Variants in SOX6 observed in about 807,000 individuals in gnomAD.
SOX6 encodes the protein transcription factor SOX-6.
SOX6 carries 11 observed loss-of-function variants against 97.8 expected under a neutral mutation model. The observed-to-expected ratio is 0.11, with a 90% CI of 0.07 to 0.19. The LOEUF (loss-of-function observed/expected upper bound fraction) is 0.19. SOX6 is among the 10% of genes least tolerant of loss of function. The pLI, the probability that SOX6 is intolerant of heterozygous loss-of-function variation, is 1.00. For missense variants in SOX6, 810 were observed against 1,039.5 expected (o/e 0.78, Z 3.04); for synonymous variants, 360 against 371.4 (o/e 0.97, Z 0.35).
chr11:16,508,803 T>C (rs1860832778), intron 4 of SOX6, among the ~76,000 whole-genome samples: 1 of 152,104 alleles, frequency 6.6e-6, no homozygotes. Context: ...AACAACAATG[T>C]ATTATATCAA....
rs1847933262 is a variant in SOX6, at chr11:16,060,929, T to C, written c.1102-5028A>G. Among the ~76,000 whole-genome samples, 4 of 151,962 alleles carry C rather than the reference T, an allele frequency of 2.6e-5. No individual in the cohort carries two copies. The East Asian group carries it at 7.7e-4, about 29-fold the overall frequency. Reference sequence around the variant, plus strand: ...ATTATTTTTGAATGCTTAGCACCAATAATGGTGCCTTGCAAATAACAGATA... The same window carrying C: ...ATTATTTTTGAATGCTTAGCACCAACAATGGTGCCTTGCAAATAACAGATA... On this transcript the variant is annotated intron_variant, in intron 9 of 15. Transcript: ENST00000683767.
intron 4 of SOX6, 85 bp from the exon 5 acceptor site, chr11:16,187,040 C>T: frequency 7.0e-7 from 1 of 1,435,108 alleles, no homozygotes; most frequent in Non-Finnish European, 9.8e-7. Context: ...TAGAAAGGGA[C>T]TATCCTAAGA....
intron 3 of SOX6, among the ~76,000 whole-genome samples, chr11:16,694,591 A>C (rs1383807528): frequency 6.6e-6 from 1 of 152,216 alleles, no homozygotes; most frequent in Non-Finnish European, 1.5e-5. Context: ...ATTTACAAGA[A>C]AATTTTAAAT....
intron 15 of SOX6, among the ~76,000 whole-genome samples, chr11:15,985,952 A>C (rs1853820807): frequency 6.6e-6 from 1 of 152,160 alleles, no homozygotes; most frequent in Admixed American, 6.5e-5. Flanking sequence ...GAGCATCTTA[A>C]ATTGGCTTGG....
intron 9 of SOX6, among the ~76,000 whole-genome samples, chr11:16,062,003 C>G (rs1340879224): frequency 6.6e-6 from 1 of 151,544 alleles, no homozygotes; most frequent in African/African-American, 2.4e-5. Flanking sequence ...TAACTAAAAC[C>G]TCAAACACAA....
intron 4 of SOX6, among the ~76,000 whole-genome samples, chr11:16,521,642 G>C (rs1054941061): frequency 6.6e-6 from 1 of 152,240 alleles, no homozygotes; most frequent in Non-Finnish European, 1.5e-5. Flanking sequence ...GAATTACTTT[G>C]ACGAGTTAAG....
intron 7 of SOX6, among the ~76,000 whole-genome samples, chr11:16,104,702 C>T (rs1302548682): frequency 6.6e-6 from 1 of 151,480 alleles, no homozygotes; most frequent in African/African-American, 2.4e-5. Flanking sequence ...ACAAATGGTG[C>T]TCAATAAATG....
At chr11:16,198,212 C>A (rs1170706703) in intron 4 of SOX6, among the ~76,000 whole-genome samples, 2 of 148,608 alleles carry the variant, frequency 1.3e-5, no homozygotes, top group Non-Finnish European at 3.0e-5. Context: ...TGCCACCACG[C>A]CCTGCTAATT....
At chr11:16,337,144 T>C (rs1856486857) in intron 2 of SOX6, among the ~76,000 whole-genome samples, 1 of 152,100 alleles carries the variant, frequency 6.6e-6, no homozygotes, top group Non-Finnish European at 1.5e-5. Flanking sequence ...GTAGGTACTA[T>C]ACACTCAGGT....
chr11:16,285,220 A>C (rs1854696671), intron 3 of SOX6, among the ~76,000 whole-genome samples: 1 of 152,152 alleles, frequency 6.6e-6, no homozygotes, highest in Admixed American at 6.6e-5. Flanking sequence ...TTAATATTAA[A>C]CTGATAGAAT....
intron 3 of SOX6, among the ~76,000 whole-genome samples, chr11:16,675,925 C>T (rs1016395065): frequency 1.3e-5 from 2 of 152,142 alleles, no homozygotes; most frequent in Non-Finnish European, 2.9e-5. Flanking sequence ...TGTTATCTTA[C>T]ATGGAGTTTG....
intron 2 of SOX6, among the ~76,000 whole-genome samples, chr11:16,333,830 T>C (rs575840450): frequency 3.8e-4 from 58 of 152,304 alleles, no homozygotes; most frequent in Non-Finnish European, 3.1e-4. Flanking sequence ...ATAGAAGTAT[T>C]TGCATAGGGA....
At chr11:16,512,059 A>C (rs370361845) in intron 4 of SOX6, among the ~76,000 whole-genome samples, 1 of 152,120 alleles carries the variant, frequency 6.6e-6, no homozygotes, top group African/African-American at 2.4e-5. Flanking sequence ...TTTTGTCCCA[A>C]CTTCCATGAA....
At chr11:16,241,078 T>A (rs148533676) in intron 3 of SOX6, among the ~76,000 whole-genome samples, 335 of 152,172 alleles carry the variant, frequency 2.2e-3, no homozygotes, top group African/African-American at 7.9e-3. Context: ...AACTGCCAGT[T>A]CTCCTATGCA....
chr11:16,207,152 C>T (rs1852093890), intron 4 of SOX6, among the ~76,000 whole-genome samples: 1 of 152,012 alleles, frequency 6.6e-6, no homozygotes, highest in South Asian at 2.1e-4. Flanking sequence ...TTCACACTGC[C>T]CAAAACACTC....
At chr11:16,524,457 A>T (rs1277443505) in intron 4 of SOX6, among the ~76,000 whole-genome samples, 1 of 152,110 alleles carries the variant, frequency 6.6e-6, no homozygotes, top group Non-Finnish European at 1.5e-5. Context: ...ACTCTCAATA[A>T]ATTAGGTATT....
At chr11:16,420,675 A>G (rs1859004369) in intron 1 of SOX6, among the ~76,000 whole-genome samples, 1 of 152,184 alleles carries the variant, frequency 6.6e-6, no homozygotes, top group East Asian at 1.9e-4. Flanking sequence ...CCATATTTAT[A>G]TAACTAAGTT....
At chr11:16,038,200 A>C (rs1657251900) in intron 12 of SOX6, among the ~76,000 whole-genome samples, 1 of 152,164 alleles carries the variant, frequency 6.6e-6, no homozygotes, top group African/African-American at 2.4e-5. Context: ...AAGAGTCTTG[A>C]GCATCCAGGA....
At position 16,422,211 on chromosome 11, in the gene SOX6, T is replaced by C. The variant is rs1425464833; in HGVS notation, c.-5+54104A>G. ...CTTTCAGATGGCAACTAATACTACA[T>C]GACAGGAAAAAAAGACATCCACTTT... On this transcript the variant is annotated intron_variant, in intron 1 of 15. Coordinates refer to the SOX6 transcript ENST00000396356. 2.0e-5 allele frequency among the ~76,000 whole-genome samples: 3 copies of C among 152,154 alleles called. No individual in the cohort carries two copies. The East Asian group carries it at 5.8e-4, about 29-fold the overall frequency.
Sources: gnomAD v4.1 joint callset for allele counts (sites outside exome capture counted in the v4.1 genomes callset) on GRCh38, gnomAD v4.1.1 for gene constraint, MANE v1.5 for transcripts, NCBI Gene and HGNC (gene_info 2026-07-23, HGNC 2026-07-21) for gene names.